The following DAGLA variants were observed in gnomAD, a reference collection of about 807,000 sequenced individuals.
DAGLA encodes diacylglycerol lipase alpha.
In DAGLA, 22 loss-of-function variants were observed where a neutral mutation model predicts 102.6. The observed-to-expected ratio is 0.21, with a 90% CI of 0.15 to 0.31. The LOEUF is 0.31. DAGLA is among the 10% of genes least tolerant of loss of function. The probability of loss-of-function intolerance (pLI) is 1.00; values close to 1 mark genes in which losing one functional copy is unlikely to be tolerated. For synonymous variants in DAGLA, 578 were observed against 628.9 expected (o/e 0.92, Z 1.21); for missense variants, 927 against 1,446.6 (o/e 0.64, Z 5.83).
intron 1 of DAGLA, among the ~76,000 whole-genome samples, chr11:61,683,599 T>A (rs1489795121): frequency 6.6e-6 from 1 of 152,090 alleles, no homozygotes; most frequent in Non-Finnish European, 1.5e-5. Flanking sequence ...GCCTTATGGT[T>A]TGGGGCTCCA....
Position 61,735,826 on chromosome 11 carries a change from G to T in DAGLA, c.1290+10G>T. The T allele has an allele frequency of 6.2e-7, 1 of 1,604,162 alleles. No homozygotes were observed. ...CTGGCTGGGCCACAAGGTAACCCACGTCATGGACCCCAGGGCCCCTGGGCT... is the reference window on the plus strand; with the variant it reads ...CTGGCTGGGCCACAAGGTAACCCACTTCATGGACCCCAGGGCCCCTGGGCT... On this transcript the variant is annotated intron_variant, in intron 12 of 19. Transcript: ENST00000257215.
At position 61,734,554 on chromosome 11, in the gene DAGLA, G is replaced by A. The variant is rs561781618; in HGVS notation, c.975-295G>A. ...GGACCCCAGGGCTTCAGTGTTGGGT[G>A]CATCGCTGAGTAGGCCCTGCCCGGA... On this transcript the variant is annotated intron_variant, in intron 9 of 19. Transcript: ENST00000257215. The surrounding 1 kb of genome is among the most constrained non-coding windows in gnomAD (Gnocchi z 4.2). 6.6e-6 allele frequency among the ~76,000 whole-genome samples: 1 copy of A among 152,238 alleles called. No homozygotes were observed. The highest frequency in any genetic ancestry group is 2.1e-4 in the South Asian group (1 of 4,826).
chr11:61,702,956 G>A (rs2065120331), intron 1 of DAGLA, among the ~76,000 whole-genome samples: 1 of 152,222 alleles, frequency 6.6e-6, no homozygotes, highest in African/African-American at 2.4e-5. Flanking sequence ...GTCGTTGGTA[G>A]CCAGTGAAGT....
At chr11:61,699,192 G>A (rs745330955) in intron 1 of DAGLA, among the ~76,000 whole-genome samples, 1 of 152,160 alleles carries the variant, frequency 6.6e-6, no homozygotes, top group Admixed American at 6.5e-5. Flanking sequence ...GCCAGTAGAC[G>A]CAGCAGCCCC....
chr11:61,692,836 G>A (rs1484276044), intron 1 of DAGLA, among the ~76,000 whole-genome samples: 2 of 151,966 alleles, frequency 1.3e-5, no homozygotes, highest in African/African-American at 2.4e-5. Context: ...AGGAAAGATG[G>A]CGGTAGGAAA....
intron 1 of DAGLA, among the ~76,000 whole-genome samples, chr11:61,683,795 G>A (rs1241738346): frequency 2.6e-5 from 4 of 152,114 alleles, no homozygotes; most frequent in African/African-American, 9.7e-5. Context: ...AGCCAGGTTA[G>A]CACCCTTGTC....
intron 1 of DAGLA, among the ~76,000 whole-genome samples, chr11:61,687,031 C>T (rs1460062039): frequency 6.6e-6 from 1 of 152,156 alleles, no homozygotes; most frequent in Admixed American, 6.5e-5. Context: ...CAAAATAATA[C>T]TAGTAACAAT....
chr11:61,736,658 G>GTCA (rs1360135777), intron 13 of DAGLA, among the ~76,000 whole-genome samples: 2 of 152,226 alleles, frequency 1.3e-5, no homozygotes, highest in African/African-American at 2.4e-5. Context: ...AAGGAAACAT[G>GTCA]GAGAGGCTCA....
At chr11:61,716,301 C>T (rs1340343112) in intron 1 of DAGLA, among the ~76,000 whole-genome samples, 1 of 152,030 alleles carries the variant, frequency 6.6e-6, no homozygotes, top group Admixed American at 6.6e-5. Flanking sequence ...TCTAGGGTTC[C>T]CATAAGGGAG....
In DAGLA at chr11:61,693,912, G is replaced by A. The variant is rs1489816118; in HGVS notation, c.-45+13408G>A. ...CCAGCACTCCTCCCATTTTACATAA[G>A]AGGAGAGGGTGGGGAGGGGACAGCT... On this transcript the variant is annotated intron_variant, in intron 1 of 19. Transcript: ENST00000257215. Among the ~76,000 whole-genome samples, 3 of 152,246 alleles carry A rather than the reference G, an allele frequency of 2.0e-5. No homozygotes were observed. The East Asian group carries it at 5.8e-4, about 29-fold the overall frequency.
intron 9 of DAGLA, among the ~76,000 whole-genome samples, chr11:61,732,807 G>A (rs1317219713): frequency 2.0e-5 from 3 of 152,162 alleles, no homozygotes; most frequent in Admixed American, 6.5e-5. Context: ...ATAACAGCCT[G>A]GCCAGAGGGA....
chr11:61,709,135 A>G lies in DAGLA; in HGVS notation c.-44-10977A>G, dbSNP rs976368389. ...TAGCCCCCAGGCTCTCTCCTTGGCC[A>G]TTCTGCAAGTAAAACTCTAAAAGTC... On this transcript the variant is annotated intron_variant, in intron 1 of 19. Coordinates refer to ENST00000257215, the MANE Select transcript of DAGLA (RefSeq NM_006133.3). Among the ~76,000 whole-genome samples the G allele has an allele frequency of 5.9e-5, 9 of 152,220 alleles. No individual in the cohort carries two copies. In the East Asian group the frequency reaches 1.3e-3, roughly 23 times the overall value.
chr11:61,729,118 C>G, intron 8 of DAGLA, 110 bp downstream of exon 8: 2 of 926,640 alleles, frequency 2.2e-6, no homozygotes, highest in Admixed American at 3.8e-5. Context: ...CCACATTGCC[C>G]CTGCCCGGTC....
rs771463925 is a variant in DAGLA, at chr11:61,740,559, C to T, written c.1950C>T (p.His650=). 4 of 1,613,726 alleles carry T rather than the reference C, an allele frequency of 2.5e-6. No homozygotes were observed. Among genetic ancestry groups the T allele is most frequent in the African/African-American group, 1.3e-5 (1 of 74,928 alleles). ...TCTCGCCAGCCATGCTGCATGAGCA[C>T]CTGCCCTATGTGGTCATGGAGGGGC... ...VIISPAMLHE[H]LPYVVMEGLN... The change falls in exon 18 of 20, where the codon CAC becomes CAT. Residue 650 remains histidine (H), a synonymous_variant. Coordinates refer to ENST00000257215, the MANE Select transcript of DAGLA (RefSeq NM_006133.3).
chr11:61,687,389 G>A (rs927848014), intron 1 of DAGLA, among the ~76,000 whole-genome samples: 1 of 152,048 alleles, frequency 6.6e-6, no homozygotes, highest in African/African-American at 2.4e-5. Context: ...CTGGAGTGCA[G>A]TGGTGTGATC....
intron 1 of DAGLA, among the ~76,000 whole-genome samples, chr11:61,695,044 G>C (rs2065053519): frequency 6.6e-6 from 1 of 152,210 alleles, no homozygotes; most frequent in African/African-American, 2.4e-5. Context: ...CCCTCTCTGT[G>C]TACTCGCAAG....
Position 61,731,379 on chromosome 11 carries a change from G to C in DAGLA, c.912G>C (p.Gly304=). ...YYMLFALAAY[G]WPMYLMRKPA... The stretch of plus-strand genomic sequence containing the variant: ...TGCTCTTTGCCCTGGCTGCCTACGG[G>C]TGGCCCATGTACCTGATGCGGAAGC... The change falls in exon 9 of 20, where the codon GGG becomes GGC. Residue 304 remains glycine, a synonymous_variant. Coordinates refer to ENST00000257215, the MANE Select transcript of DAGLA (RefSeq NM_006133.3). The C allele has an allele frequency of 6.2e-7, 1 of 1,614,122 alleles. No homozygotes were observed. The highest frequency in any genetic ancestry group is 8.5e-7 in the Non-Finnish European group (1 of 1,180,026).
At chr11:61,719,971 G>A in intron 1 of DAGLA, 141 bp from the exon 2 acceptor site, 2 of 615,284 alleles carry the variant, frequency 3.3e-6, no homozygotes, top group Admixed American at 5.7e-5. Flanking sequence ...CCCGGAGGTG[G>A]GTCAGCACTT....
chr11:61,715,805 T>C (rs900430579), intron 1 of DAGLA, among the ~76,000 whole-genome samples: 12 of 152,376 alleles, frequency 7.9e-5, no homozygotes, highest in African/African-American at 2.9e-4. Flanking sequence ...CAGCAGATCC[T>C]TGGGGTGTGC....
Sources: gnomAD v4.1 joint callset for allele counts (sites outside exome capture counted in the v4.1 genomes callset) on GRCh38, gnomAD v4.1.1 for gene constraint, Gnocchi (gnomAD v3.1) non-coding constraint, MANE v1.5 for transcripts, NCBI Gene and HGNC (gene_info 2026-07-23, HGNC 2026-07-21) for gene names.